The following NR4A3 variants were observed in gnomAD, a reference collection of about 807,000 sequenced individuals.
NR4A3 encodes chondrosarcoma, extraskeletal myxoid, fused to EWS.
Under a neutral mutation model 55.6 loss-of-function variants are expected in NR4A3, and 13 were observed. The observed-to-expected ratio is 0.23, with a 90% CI of 0.15 to 0.37. The LOEUF is 0.37. Among genes scored for constraint, NR4A3 ranks in the 10% least tolerant of loss-of-function variants. The pLI is 1.00. For synonymous variants in NR4A3, 342 were observed against 357.9 expected (o/e 0.96, Z 0.50); for missense variants, 646 against 822.8 (o/e 0.79, Z 2.63).
intron 5 of NR4A3, chr9:99,833,710 C>T: frequency 6.6e-7 from 1 of 1,512,540 alleles, no homozygotes; most frequent in Non-Finnish European, 8.8e-7. Context: ...TTGCAGGATT[C>T]CTGGTGGTTG....
intron 7 of NR4A3, among the ~76,000 whole-genome samples, chr9:99,853,148 T>G (rs1026812542): frequency 6.6e-6 from 1 of 152,072 alleles, no homozygotes; most frequent in Admixed American, 6.6e-5. Context: ...CTTTCAGGTT[T>G]CTTATAAAAA....
intron 5 of NR4A3, among the ~76,000 whole-genome samples, chr9:99,838,406 C>T (rs952757921): frequency 1.3e-5 from 2 of 152,120 alleles, no homozygotes; most frequent in South Asian, 2.1e-4. Flanking sequence ...GCTTAAGACA[C>T]GTTAGAACTA....
intron 2 of NR4A3, among the ~76,000 whole-genome samples, chr9:99,827,631 C>G (rs1374608926): frequency 6.6e-6 from 1 of 152,216 alleles, no homozygotes; most frequent in Non-Finnish European, 1.5e-5. Flanking sequence ...CCAATGGCCT[C>G]TTTCCTCCCA....
In NR4A3 at chr9:99,863,704, G is replaced by A. The variant is rs751483445; in HGVS notation, c.1718G>A (p.Gly573Glu). The A allele has an allele frequency of 1.2e-6, 2 of 1,613,918 alleles. No individual in the cohort carries two copies. Among genetic ancestry groups the A allele is most frequent in the South Asian group, 2.2e-5 (2 of 91,080 alleles). The change falls in exon 8 of 8, where the codon GGA (glycine) becomes GAA (glutamate). Residue 573 changes from glycine (G) to glutamate (E), a missense_variant. Gly to Glu is a moderately conservative substitution (Grantham distance 98). Around this residue, in one of 5 missense-constraint regions of NR4A3, gnomAD observed 163 missense variants for 233.0 expected, o/e 0.70. Coordinates refer to ENST00000395097, the MANE Select transcript of NR4A3 (RefSeq NM_006981.4). Reference protein sequence around the residue: ...TSSLKDHQSKGQALEPTESKV... With the variant: ...TSSLKDHQSKEQALEPTESKV... Reference sequence around the variant, plus strand: ...AGTTTAAAAGACCACCAGAGTAAGGGACAGGCTCTGGAGCCCACCGAGTCC... The same window carrying A: ...AGTTTAAAAGACCACCAGAGTAAGGAACAGGCTCTGGAGCCCACCGAGTCC...
chr9:99,826,413 T>C (rs913969924), intron 2 of NR4A3, among the ~76,000 whole-genome samples: 1 of 152,078 alleles, frequency 6.6e-6, no homozygotes, highest in African/African-American at 2.4e-5. Context: ...TGCAGATAAA[T>C]AGAATACAAT....
rs1341625679 is a variant in NR4A3, at chr9:99,828,819, C to A, written c.777C>A (p.Leu259=). The part of the protein sequence containing the change: ...KRAAPLAFPP[L]GLTPSPTASS... ...CGGCCCCGCTGGCCTTCCCGCCTCT[C>A]GGCCTCACGCCCTCCCCTACCGCGT... The change falls in exon 3 of 8, where the codon CTC becomes CTA. Residue 259 remains leucine (L), a synonymous_variant. Coordinates refer to ENST00000395097, the MANE Select transcript of NR4A3 (RefSeq NM_006981.4). This position sits in a 1 kb window ranked among gnomAD's most constrained non-coding sequence, Gnocchi z 7.7. 6 of 1,474,318 alleles carry A rather than the reference C, an allele frequency of 4.1e-6. No homozygotes were observed. The highest frequency in any genetic ancestry group is 4.5e-6 in the Non-Finnish European group (5 of 1,116,716). 91.3% of individuals were successfully genotyped at this position (1,474,318 alleles called of 1,614,324 possible).
At chr9:99,859,616 C>T (rs890691585) in intron 7 of NR4A3, among the ~76,000 whole-genome samples, 4 of 152,194 alleles carry the variant, frequency 2.6e-5, no homozygotes. Context: ...TATCGATCTC[C>T]ACTTGAATTC....
At position 99,828,283 on chromosome 9, in the gene NR4A3, C is replaced by T. The variant is rs538195489; in HGVS notation, c.241C>T (p.Arg81Trp). Reference sequence around the variant, plus strand: ...GCCTTCCTGCGTGTACCAAATGCAGCGGCCCTTGATCAAAGTGGAGGAGGG... The same window carrying T: ...GCCTTCCTGCGTGTACCAAATGCAGTGGCCCTTGATCAAAGTGGAGGAGGG... ...LKPSCVYQMQ[R>W]PLIKVEEGRA... Residue 81 changes from arginine to tryptophan, a missense_variant, in exon 3 of 8, where the codon CGG becomes TGG. By Grantham distance (101) the Arg-to-Trp change is moderately radical. This residue lies in a region of NR4A3 where 426 missense variants were observed against 429.4 expected (regional missense o/e 0.99). Transcript: ENST00000395097. This position sits in a 1 kb window ranked among gnomAD's most constrained non-coding sequence, Gnocchi z 7.7. 6.2e-7 allele frequency: 1 copy of T among 1,613,896 alleles called. No homozygotes were observed.
intron 5 of NR4A3, among the ~76,000 whole-genome samples, chr9:99,836,241 A>G (rs933805858): frequency 1.8e-4 from 27 of 151,750 alleles, no homozygotes; most frequent in African/African-American, 6.5e-4. Flanking sequence ...TCACAAAGAA[A>G]GTTAACAAAA....
At chr9:99,858,064 T>C (rs1276374745) in intron 7 of NR4A3, among the ~76,000 whole-genome samples, 2 of 152,152 alleles carry the variant, frequency 1.3e-5, no homozygotes, top group Admixed American at 1.3e-4. Context: ...CAAATACAGT[T>C]CATGCCCCCA....
At chr9:99,858,748 A>G (rs1006402546) in intron 7 of NR4A3, among the ~76,000 whole-genome samples, 2 of 152,236 alleles carry the variant, frequency 1.3e-5, no homozygotes, top group Non-Finnish European at 2.9e-5. Flanking sequence ...AAGTCACTTA[A>G]TTGAGGCTTA....
chr9:99,841,441 C>G (rs1827649067), intron 5 of NR4A3, among the ~76,000 whole-genome samples: 1 of 152,136 alleles, frequency 6.6e-6, no homozygotes. Context: ...CTTAGAACAT[C>G]AGGGCTGAAA....
At chr9:99,851,219 G>A (rs1827844022) in intron 7 of NR4A3, among the ~76,000 whole-genome samples, 2 of 152,234 alleles carry the variant, frequency 1.3e-5, no homozygotes, top group South Asian at 4.2e-4. Flanking sequence ...TTGAAAGTGG[G>A]TTTGATAAGT....
chr9:99,837,774 G>A lies in NR4A3; in HGVS notation c.1254+4320G>A, dbSNP rs148384885. ...GCCCTACAATTTATTAAAGATGCTA[G>A]CTTCCCCCAGTGAGTCAGGTCAATA... On this transcript the variant is annotated intron_variant, in intron 5 of 7. Coordinates refer to ENST00000395097, the MANE Select transcript of NR4A3 (RefSeq NM_006981.4). 1.5e-3 allele frequency among the ~76,000 whole-genome samples: 222 copies of A among 152,256 alleles called. 1 individual carries two copies. The highest frequency in any genetic ancestry group is 5.2e-3 in the African/African-American group (216 of 41,550).
chr9:99,837,563 G>A (rs898424119), intron 5 of NR4A3, among the ~76,000 whole-genome samples: 1 of 151,624 alleles, frequency 6.6e-6, no homozygotes, highest in Non-Finnish European at 1.5e-5. Context: ...TACAATAATA[G>A]TAATATATAT....
intron 5 of NR4A3, among the ~76,000 whole-genome samples, chr9:99,839,098 AC>A (rs1827606913): frequency 2.0e-5 from 3 of 152,376 alleles, no homozygotes; most frequent in South Asian, 4.1e-4. Context: ...AAAAGAGTAA[AC>A]AAATATACAA....
chr9:99,824,214 T>C (rs547236115), intron 1 of NR4A3, among the ~76,000 whole-genome samples: 14 of 152,238 alleles, frequency 9.2e-5, no homozygotes, highest in Admixed American at 3.3e-4. Context: ...GAGGAAAGGC[T>C]GTGTGGGTCC....
In NR4A3 at chr9:99,864,675, G is replaced by A; in HGVS notation, c.*808G>A. 4.4e-6 allele frequency: 1 copy of A among 228,132 alleles called. No homozygotes were observed. The highest frequency in any genetic ancestry group is 6.3e-5 in the East Asian group (1 of 15,972). 14.1% of individuals were successfully genotyped at this position (228,132 alleles called of 1,614,324 possible). The stretch of plus-strand genomic sequence containing the variant: ...CCATTCTTGATGGAACCAGATCCCT[G>A]CCCTGACTGTCCAGCTATCCTGAAA... On this transcript the variant is annotated 3_prime_UTR_variant, in exon 8 of 8. Transcript: ENST00000395097.
chr9:99,850,889 TCCCCTA>T (rs1225698470), intron 7 of NR4A3, among the ~76,000 whole-genome samples: 1 of 152,158 alleles, frequency 6.6e-6, no homozygotes, highest in East Asian at 1.9e-4. Context: ...GCATATGCCT[TCCCCTA>T]CCCCTTGGAA....
Sources: gnomAD v4.1 joint callset for allele counts (sites outside exome capture counted in the v4.1 genomes callset) on GRCh38, gnomAD v4.1.1 for gene constraint, gnomAD v4.1.1 regional missense constraint, Gnocchi (gnomAD v3.1) non-coding constraint, MANE v1.5 for transcripts, NCBI Gene and HGNC (gene_info 2026-07-23, HGNC 2026-07-21) for gene names.